Variants in HM13 observed in about 807,000 individuals in gnomAD.
The protein encoded by HM13 is signal peptide peptidase.
HM13 carries 18 observed loss-of-function variants against 50.0 expected under a neutral mutation model. The ratio of observed to expected loss-of-function variants is 0.36; its 90% CI spans 0.25 to 0.53. HM13 has a LOEUF of 0.53. HM13 is among the 20% of genes least tolerant of loss of function. The probability of loss-of-function intolerance (pLI) is 0.90; values close to 1 mark genes in which losing one functional copy is unlikely to be tolerated. For synonymous variants in HM13, 197 were observed against 232.6 expected (o/e 0.85, Z 1.39); for missense variants, 393 against 552.4 (o/e 0.71, Z 2.89).
Position 31,527,537 on chromosome 20 carries a change from C to G in HM13, c.237C>G (p.Pro79=). ...CCAGCCGGGATGCCGCCCGCTTCCC[C>G]ATCATCGCCAGCTGCACACTCTTGG... ...TITSRDAARF[P]IIASCTLLGL... Residue 79 remains proline, a synonymous_variant, in exon 2 of 13, where the codon CCC becomes CCG. Coordinates refer to ENST00000398174, the MANE Select transcript of HM13 (RefSeq NM_178581.3). 1 of 1,614,132 alleles carries G rather than the reference C, an allele frequency of 6.2e-7. No individual in the cohort carries two copies. The highest frequency in any genetic ancestry group is 8.5e-7 in the Non-Finnish European group (1 of 1,179,998).
At chr20:31,544,719 T>G (rs888913583) in intron 3 of HM13, among the ~76,000 whole-genome samples, 1 of 152,214 alleles carries the variant, frequency 6.6e-6, no homozygotes, top group African/African-American at 2.4e-5. Context: ...TCACTATGAG[T>G]GCAAAAACCT....
intron 2 of HM13, among the ~76,000 whole-genome samples, chr20:31,534,946 C>T (rs1019862553): frequency 1.3e-5 from 2 of 151,944 alleles, no homozygotes; most frequent in East Asian, 1.9e-4. Context: ...ATTAGCCGGG[C>T]GTGGTGGCAG....
At chr20:31,523,696 G>A (rs548891308) in intron 1 of HM13, among the ~76,000 whole-genome samples, 1 of 152,322 alleles carries the variant, frequency 6.6e-6, no homozygotes, top group East Asian at 1.9e-4. Context: ...TGCTACACAG[G>A]AAATGTATTG....
At chr20:31,531,265 C>G (rs1256392276) in intron 2 of HM13, among the ~76,000 whole-genome samples, 1 of 152,024 alleles carries the variant, frequency 6.6e-6, no homozygotes, top group African/African-American at 2.4e-5. Flanking sequence ...GGCTGGACTC[C>G]TGGCCTTAGG....
chr20:31,538,573 A>C, intron 3 of HM13: 1 of 1,302,132 alleles, frequency 7.7e-7, no homozygotes, highest in Non-Finnish European at 9.8e-7. Flanking sequence ...CACCAGTACC[A>C]CCTGCCGGGT....
chr20:31,559,376 C>T (rs184497972), intron 8 of HM13, among the ~76,000 whole-genome samples: 3 of 152,248 alleles, frequency 2.0e-5, no homozygotes, highest in East Asian at 1.9e-4. Context: ...TAGTATGATG[C>T]GGTGAGGTGC....
intron 5 of HM13, 38 bp downstream of exon 5, chr20:31,549,152 G>T: frequency 1.9e-6 from 3 of 1,613,974 alleles, no homozygotes; most frequent in Non-Finnish European, 2.5e-6. Flanking sequence ...GGAGGATGGG[G>T]TTGACAGGGC....
intron 11 of HM13, 120 bp downstream of exon 11, chr20:31,566,415 C>G (rs1984917876): frequency 1.3e-6 from 1 of 794,012 alleles, no homozygotes; most frequent in South Asian, 1.6e-5. Context: ...GCCACCAGCC[C>G]CACCCCTTGC....
intron 2 of HM13, among the ~76,000 whole-genome samples, chr20:31,531,760 C>CAACCAGCCTGGGCAACATAGCA (rs1344259397): frequency 6.6e-6 from 1 of 152,030 alleles, no homozygotes; most frequent in Non-Finnish European, 1.5e-5. Context: ...TCCCCACAAG[C>CAACCAGCCTGGGCAACATAGCA]AACCAGCCTG....
intron 1 of HM13, among the ~76,000 whole-genome samples, chr20:31,519,111 T>C (rs1227708372): frequency 2.0e-5 from 3 of 152,170 alleles, no homozygotes; most frequent in African/African-American, 7.2e-5. Context: ...TTTTTGTTGT[T>C]GTTTTAATGA....
At chr20:31,554,992 C>T (rs909882151) in intron 8 of HM13, among the ~76,000 whole-genome samples, 163 bp downstream of exon 8, 15 of 152,238 alleles carry the variant, frequency 9.9e-5, no homozygotes, top group African/African-American at 2.2e-4. Flanking sequence ...CATCCGTTTA[C>T]GGAGGGCCAG....
At chr20:31,551,458 A>G (rs1336722632) in intron 7 of HM13, among the ~76,000 whole-genome samples, 1 of 152,246 alleles carries the variant, frequency 6.6e-6, no homozygotes, top group African/African-American at 2.4e-5. Context: ...GTTTTTCCCA[A>G]GTCTCCTGTG....
At position 31,569,100 on chromosome 20, in the gene HM13, G is replaced by GTTTT. The variant is rs72290697; in HGVS notation, c.1182-10_1182-7dup. ...CTCCTCTAAATGAATTTTTATTGTTGTTTTTTTTTTTTTGGTCAGTTATGA... is the reference window on the plus strand; with the variant it reads ...CTCCTCTAAATGAATTTTTATTGTTGTTTTTTTTTTTTTTTTTGGTCAGTTATGA... On this transcript the variant is annotated intron_variant, in intron 12 of 12. Coordinates refer to ENST00000398174, the MANE Select transcript of HM13 (RefSeq NM_178581.3). The GTTTT allele has an allele frequency of 2.5e-5, 30 of 1,190,594 alleles. No homozygotes were observed. The highest frequency in any genetic ancestry group is 9.6e-5 in the African/African-American group (6 of 62,300). 73.8% of individuals were successfully genotyped at this position (1,190,594 alleles called of 1,614,324 possible). A position where few individuals can be genotyped will look rare whatever the true frequency, so the allele number is the denominator to read the frequency against.
intron 4 of HM13, chr20:31,548,804 C>T (rs1022331581): frequency 3.4e-6 from 2 of 583,350 alleles, no homozygotes; most frequent in East Asian, 5.7e-5. Flanking sequence ...GTAAGTCTCT[C>T]TCTGGGCCTC....
At chr20:31,548,148 T>C in intron 4 of HM13, 1 of 821,616 alleles carries the variant, frequency 1.2e-6, no homozygotes, top group Non-Finnish European at 2.1e-6. Context: ...AATGCCTCTG[T>C]GGTTATGCTA....
intron 7 of HM13, among the ~76,000 whole-genome samples, chr20:31,554,208 A>G (rs1205066504): frequency 3.9e-5 from 6 of 152,104 alleles, no homozygotes; most frequent in Admixed American, 1.3e-4. Context: ...GTTAGGAGTC[A>G]AAGTAAGCTG....
In HM13 at chr20:31,527,536, C is replaced by T. The variant is rs1170300995; in HGVS notation, c.236C>T (p.Pro79Leu). Residue 79 changes from proline (P) to leucine (L), a missense_variant, in exon 2 of 13, where the codon CCC (proline) becomes CTC (leucine). This residue lies in a region of HM13 where 214 missense variants were observed against 276.1 expected (regional missense o/e 0.77). Transcript: ENST00000398174. The stretch of plus-strand genomic sequence containing the variant: ...ACCAGCCGGGATGCCGCCCGCTTCC[C>T]CATCATCGCCAGCTGCACACTCTTG... Reference protein sequence around the residue: ...TITSRDAARFPIIASCTLLGL... With the variant: ...TITSRDAARFLIIASCTLLGL... 1 of 1,614,040 alleles carries T rather than the reference C, an allele frequency of 6.2e-7. No homozygotes were observed. The highest frequency in any genetic ancestry group is 8.5e-7 in the Non-Finnish European group (1 of 1,180,034).
intron 10 of HM13, among the ~76,000 whole-genome samples, chr20:31,565,027 A>G (rs73613704): frequency 1.3e-5 from 2 of 151,798 alleles, no homozygotes; most frequent in South Asian, 2.1e-4. Flanking sequence ...TTAGCCGGGC[A>G]TGGTGGCAGG....
rs145658704 is a variant in HM13 at position 31,527,555 on chromosome 20, A to G, written c.255A>G (p.Thr85=). 1.5e-4 allele frequency: 247 copies of G among 1,613,256 alleles called. 1 individual carries two copies. The highest frequency in any genetic ancestry group is 3.3e-4 in the Admixed American group (20 of 59,910). The change falls in exon 2 of 13, where the codon ACA becomes ACG. Residue 85 remains threonine, a synonymous_variant. Coordinates refer to ENST00000398174, the MANE Select transcript of HM13 (RefSeq NM_178581.3). ...GCTTCCCCATCATCGCCAGCTGCACACTCTTGGGGCTCTACCTCTTTTTCA... is the reference window on the plus strand; with the variant it reads ...GCTTCCCCATCATCGCCAGCTGCACGCTCTTGGGGCTCTACCTCTTTTTCA... The part of the protein sequence containing the change: ...AARFPIIASC[T]LLGLYLFFKI...
Sources: allele counts gnomAD v4.1 joint callset (sites outside exome capture counted in the v4.1 genomes callset), GRCh38; gene constraint gnomAD v4.1.1; regional missense constraint gnomAD v4.1.1; transcripts MANE v1.5; gene names NCBI Gene and HGNC (gene_info 2026-07-23, HGNC 2026-07-21).